The following WDFY4 variants were observed in gnomAD, a reference collection of about 807,000 sequenced individuals.
WDFY4 encodes WDFY family member 4.
In WDFY4, 169 loss-of-function variants were observed where a neutral mutation model predicts 351.9. The observed-to-expected ratio is 0.48, with a 90% CI of 0.42 to 0.55. The LOEUF (loss-of-function observed/expected upper bound fraction) is 0.55. WDFY4 is among the 20% of genes least tolerant of loss of function. The pLI, the probability that WDFY4 is intolerant of heterozygous loss-of-function variation, is 0.00. For synonymous variants in WDFY4, 1,622 were observed against 1,574.6 expected, an observed-to-expected ratio of 1.03 and a Z score of -0.71; for missense variants, 3,803 against 3,935.6, an observed-to-expected ratio of 0.97 and a Z score of 0.90.
At chr10:48,935,560 C>T (rs1047126066) in intron 47 of WDFY4, among the ~76,000 whole-genome samples, 4 of 152,252 alleles carry the variant, frequency 2.6e-5, no homozygotes, top group Non-Finnish European at 4.4e-5. Flanking sequence ...ACATCACTCC[C>T]CTTTCTTCGA....
chr10:48,869,801 G>A (rs982894154), intron 40 of WDFY4, among the ~76,000 whole-genome samples: 3 of 152,024 alleles, frequency 2.0e-5, no homozygotes, highest in African/African-American at 7.3e-5. Flanking sequence ...CTCAGAAATG[G>A]CCACTGTCTT....
intron 2 of WDFY4, among the ~76,000 whole-genome samples, chr10:48,718,706 C>T (rs1038799230): frequency 3.9e-5 from 6 of 152,208 alleles, no homozygotes; most frequent in African/African-American, 1.4e-4. Context: ...CCCTTCTCAT[C>T]GCACGACTAG....
intron 3 of WDFY4, among the ~76,000 whole-genome samples, chr10:48,720,466 C>T (rs2064045811): frequency 6.6e-6 from 1 of 151,822 alleles, no homozygotes; most frequent in African/African-American, 2.4e-5. Flanking sequence ...TACACATAGA[C>T]ACACAGAGAT....
At chr10:48,827,038 T>C (rs2068032307) in intron 36 of WDFY4, 129 bp downstream of exon 36, 2 of 802,696 alleles carry the variant, frequency 2.5e-6, no homozygotes, top group Non-Finnish European at 3.9e-6. Flanking sequence ...TGGTCTTCCA[T>C]ATTTTGTGAA....
intron 47 of WDFY4, among the ~76,000 whole-genome samples, chr10:48,931,934 C>G (rs115637029): frequency 6.6e-6 from 1 of 152,178 alleles, no homozygotes; most frequent in Admixed American, 6.5e-5. Context: ...ATAGGATGGC[C>G]ACCCACATGT....
intron 2 of WDFY4, among the ~76,000 whole-genome samples, chr10:48,719,590 T>A (rs1366234235): frequency 6.6e-6 from 1 of 152,174 alleles, no homozygotes; most frequent in Non-Finnish European, 1.5e-5. Context: ...AACTGGGATA[T>A]CTGTACAGGA....
At chr10:48,852,534 C>G (rs976816035) in intron 39 of WDFY4, among the ~76,000 whole-genome samples, 76 of 152,210 alleles carry the variant, frequency 5.0e-4, no homozygotes, top group African/African-American at 1.7e-3. Context: ...TGCTCTGGGT[C>G]TGTTCCCTGT....
chr10:48,738,430 C>CTTAT (rs2064744380), intron 11 of WDFY4, among the ~76,000 whole-genome samples: 1 of 152,204 alleles, frequency 6.6e-6, no homozygotes, highest in African/African-American at 2.4e-5. Context: ...CACTGGTGAG[C>CTTAT]TTATTTAATG....
At chr10:48,923,506 A>ATATGTATGTATG (rs1554812694) in intron 47 of WDFY4, among the ~76,000 whole-genome samples, 2 of 115,168 alleles carry the variant, frequency 1.7e-5, no homozygotes, top group South Asian at 6.7e-4. Flanking sequence ...GTATATATAT[A>ATATGTATGTATG]TATATATGTC....
intron 43 of WDFY4, among the ~76,000 whole-genome samples, chr10:48,881,011 AC>A (rs2133324073): frequency 6.6e-6 from 1 of 152,212 alleles, no homozygotes; most frequent in South Asian, 2.1e-4. Context: ...AAGTAAGAGA[AC>A]CATTCCCCAG....
chr10:48,900,982 T>C (rs1297881263), intron 46 of WDFY4, among the ~76,000 whole-genome samples: 4 of 152,108 alleles, frequency 2.6e-5, no homozygotes, highest in African/African-American at 9.7e-5. Flanking sequence ...TATGTGCTGC[T>C]CCACATGGGC....
chr10:48,956,197 T>C (rs985611480), intron 51 of WDFY4, among the ~76,000 whole-genome samples: 3 of 152,198 alleles, frequency 2.0e-5, no homozygotes, highest in Non-Finnish European at 4.4e-5. Context: ...AGAATGTGCC[T>C]GAATTCTTAC....
chr10:48,775,753 C>A lies in WDFY4; in HGVS notation c.2810C>A (p.Thr937Lys). ...GLGIPSSLSA[T>K]TKILDSSHTH... ...GGAATTCCCTCATCTCTGTCGGCCA[C>A]AACAAAAATCCTTGATTCATCTCAC... The change falls in exon 15 of 62, where the codon ACA (threonine) becomes AAA (lysine). Residue 937 changes from threonine (T) to lysine (K), a missense_variant. By Grantham distance (78) the Thr-to-Lys change is moderately conservative. Transcript: ENST00000325239. The A allele has an allele frequency of 1.3e-6, 2 of 1,551,702 alleles. No individual in the cohort carries two copies. Among genetic ancestry groups the A allele is most frequent in the Non-Finnish European group, 1.7e-6 (2 of 1,146,986 alleles).
intron 51 of WDFY4, among the ~76,000 whole-genome samples, chr10:48,951,568 C>A (rs1841322503): frequency 6.6e-6 from 1 of 152,120 alleles, no homozygotes; most frequent in Non-Finnish European, 1.5e-5. Context: ...ATGTGCACCA[C>A]CACTCCTGGA....
chr10:48,744,295 T>A (rs537142957), intron 12 of WDFY4, among the ~76,000 whole-genome samples: 1 of 152,286 alleles, frequency 6.6e-6, no homozygotes, highest in South Asian at 2.1e-4. Flanking sequence ...AAGTTATCCT[T>A]CTGAAAGACA....
At chr10:48,835,525 G>A (rs1393374250) in intron 39 of WDFY4, among the ~76,000 whole-genome samples, 6 of 152,192 alleles carry the variant, frequency 3.9e-5, no homozygotes, top group Admixed American at 6.5e-5. Context: ...GGCAGCCACG[G>A]GGAATGTCTC....
At chr10:48,845,422 G>T (rs954683999) in intron 39 of WDFY4, among the ~76,000 whole-genome samples, 2 of 152,172 alleles carry the variant, frequency 1.3e-5, no homozygotes, top group African/African-American at 4.8e-5. Flanking sequence ...GCCCCAGGAG[G>T]TCCTCCTGCT....
chr10:48,959,792 A>T lies in WDFY4; in HGVS notation c.8202A>T (p.Lys2734Asn), dbSNP rs1446666941. Residue 2734 changes from lysine to asparagine, a missense_variant, in exon 53 of 62, where the codon AAA becomes AAT. By Grantham distance (94) the Lys-to-Asn change is moderately conservative. Around this residue, in one of 3 missense-constraint regions of WDFY4, gnomAD observed 3,054 missense variants for 3,148.6 expected, o/e 0.97. Transcript: ENST00000325239. ...LPPWADGDPR[K>N]FISLHRKALE... is the part of the protein sequence containing the mutation. The stretch of plus-strand genomic sequence containing the variant: ...CCTGGGCTGATGGGGACCCTCGGAA[A>T]TTCATCAGCCTGCACAGAAAGGTGA... The T allele has an allele frequency of 3.2e-6, 5 of 1,551,036 alleles. No individual in the cohort carries two copies. Among genetic ancestry groups the T allele is most frequent in the Non-Finnish European group, 4.4e-6 (5 of 1,146,662 alleles).
At chr10:48,947,320 A>G (rs1212892473) in intron 51 of WDFY4, among the ~76,000 whole-genome samples, 1 of 152,230 alleles carries the variant, frequency 6.6e-6, no homozygotes, top group Non-Finnish European at 1.5e-5. Flanking sequence ...AAGGATTAGA[A>G]AAATAAATAC....
Sources: allele counts gnomAD v4.1 joint callset (sites outside exome capture counted in the v4.1 genomes callset), GRCh38; gene constraint gnomAD v4.1.1; regional missense constraint gnomAD v4.1.1; transcripts MANE v1.5; gene names NCBI Gene and HGNC (gene_info 2026-07-23, HGNC 2026-07-21).